The following SMIM27 variants were observed in gnomAD, a reference collection of about 807,000 sequenced individuals.
The protein encoded by SMIM27 is transition zone microprotein 1, also known as TOPORS antisense RNA 1 (non-protein coding).
Under a neutral mutation model 1.8 loss-of-function variants are expected in SMIM27, and 3 were observed. That is an observed-to-expected ratio of 1.65 (90% CI 0.75 to 4.28). SMIM27 has a LOEUF of 4.28. SMIM27 is among the 30% of genes most tolerant of loss of function. SMIM27 has a pLI of 0.02. For synonymous variants in SMIM27, 19 were observed against 13.9 expected (o/e 1.37, Z -0.82); for missense variants, 63 against 37.0 (o/e 1.70, Z -1.83).
At chr9:32,551,447 T>C, upstream of SMIM27, 1 of 282,384 alleles carries the variant, frequency 3.5e-6, no homozygotes, top group Non-Finnish European at 7.1e-6. Flanking sequence ...CTATAAAGTC[T>C]TCAGAGAGGG....
At chr9:32,558,746 G>GT (rs142936680) in intron 1 of SMIM27, among the ~76,000 whole-genome samples, 10,446 of 150,848 alleles carry the variant, frequency 0.069, 942 homozygotes, top group African/African-American at 0.21. Context: ...ATTTCTTCCT[G>GT]TTTTTTTTTG....
chr9:32,557,489 CT>C (rs376298827), downstream of SMIM27, among the ~76,000 whole-genome samples: 2,884 of 148,260 alleles, frequency 0.019, 100 homozygotes, highest in African/African-American at 0.066. Flanking sequence ...TTCCTTTTTC[CT>C]TTTTTTTTGA....
rs149463586 is a variant in SMIM27 at position 32,566,645 on chromosome 9, G to A, written c.*192G>A. On this transcript the variant is annotated 3_prime_UTR_variant, in exon 2 of 2. Coordinates refer to the SMIM27 transcript ENST00000451672. ...CTGCACCCACCATGGAGGAGCAGGAGCTCACCTCTCTCAGGTAACTCCGGA... is the reference window on the plus strand; with the variant it reads ...CTGCACCCACCATGGAGGAGCAGGAACTCACCTCTCTCAGGTAACTCCGGA... The A allele has an allele frequency of 7.5e-3, 5,945 of 797,612 alleles. 69 individuals are homozygous for A. The highest frequency in any genetic ancestry group is 6.4e-3 in the Non-Finnish European group (2,789 of 435,438). 49.4% of individuals were successfully genotyped at this position (797,612 alleles called of 1,614,324 possible).
chr9:32,562,151 A>G (rs577376199), intron 1 of SMIM27, among the ~76,000 whole-genome samples: 4 of 152,280 alleles, frequency 2.6e-5, no homozygotes, highest in Admixed American at 1.3e-4. Flanking sequence ...TACTGACTCC[A>G]TATGTTTGCT....
intron 1 of SMIM27, among the ~76,000 whole-genome samples, chr9:32,564,894 G>C (rs758634909): frequency 6.6e-6 from 1 of 152,090 alleles, no homozygotes; most frequent in South Asian, 2.1e-4. Context: ...ATTAACGATC[G>C]CTCACCATTT....
At chr9:32,566,270 C>A in intron 1 of SMIM27, 1 of 1,134,888 alleles carries the variant, frequency 8.8e-7, no homozygotes, top group Non-Finnish European at 1.3e-6. Context: ...ATTTTAGGTT[C>A]TCTGAGGTAG....
intron 1 of SMIM27, 85 bp downstream of exon 1, chr9:32,552,564 A>T (rs1434340610): frequency 1.6e-6 from 2 of 1,231,776 alleles, no homozygotes; most frequent in Non-Finnish European, 2.3e-6. Context: ...GCACCCAGAA[A>T]CTCCAAAATC....
exon 2 of SMIM27, chr9:32,566,693 CAGAT>C (rs1821801017): frequency 2.4e-6 from 2 of 828,594 alleles, no homozygotes; most frequent in African/African-American, 1.7e-5. Flanking sequence ...AGCTGTATCT[CAGAT>C]AGCCAGACTT....
chr9:32,564,148 A>T (rs1204482463), intron 1 of SMIM27, among the ~76,000 whole-genome samples: 2 of 152,188 alleles, frequency 1.3e-5, no homozygotes, highest in African/African-American at 2.4e-5. Flanking sequence ...GCATGCACAC[A>T]TCCACATTTA....
chr9:32,551,543 C>G (rs77867739), upstream of SMIM27: 1 of 251,830 alleles, frequency 4.0e-6, no homozygotes, highest in African/African-American at 2.2e-5. Context: ...TTTCTCCGCT[C>G]TTCCCCTTCC....
chr9:32,553,199 CTT>C (rs539102970), downstream of SMIM27: 1,017 of 223,552 alleles, frequency 4.5e-3, no homozygotes, highest in South Asian at 9.6e-3. Flanking sequence ...ATTCGGAAAG[CTT>C]TTTTTTTTTT....
At chr9:32,558,891 C>G in intron 1 of SMIM27, 1 of 1,487,298 alleles carries the variant, frequency 6.7e-7, no homozygotes, top group South Asian at 1.3e-5. Flanking sequence ...AAAGAAAAAT[C>G]AGAAGTGTTA....
At chr9:32,562,307 G>A (rs1290783459) in intron 1 of SMIM27, among the ~76,000 whole-genome samples, 3 of 152,106 alleles carry the variant, frequency 2.0e-5, no homozygotes, top group Admixed American at 6.5e-5. Flanking sequence ...TAGGCACTCC[G>A]TACTTGTTAA....
At chr9:32,555,443 T>C (rs1409341312), downstream of SMIM27, among the ~76,000 whole-genome samples, 1 of 152,156 alleles carries the variant, frequency 6.6e-6, no homozygotes, top group Non-Finnish European at 1.5e-5. Context: ...GGCCTCCACA[T>C]AGCTGCCACA....
intron 1 of SMIM27, among the ~76,000 whole-genome samples, chr9:32,563,734 TTTC>T (rs1456588362): frequency 6.6e-6 from 1 of 152,206 alleles, no homozygotes; most frequent in Non-Finnish European, 1.5e-5. Context: ...ATCAAAAAGC[TTTC>T]TTTTCTACCC....
intron 1 of SMIM27, among the ~76,000 whole-genome samples, chr9:32,563,795 T>C (rs967370706): frequency 6.6e-6 from 1 of 152,244 alleles, no homozygotes; most frequent in African/African-American, 2.4e-5. Context: ...TGGATTTTCA[T>C]TTTATTCAGG....
At chr9:32,551,167 A>G (rs900334198), upstream of SMIM27, 8 of 660,374 alleles carry the variant, frequency 1.2e-5, no homozygotes, top group African/African-American at 1.4e-4. Flanking sequence ...ACCCCGGAGG[A>G]GGGCAGCGCG....
upstream of SMIM27, chr9:32,552,174 CAAAAAAAA>C (rs35415231): frequency 2.4e-5 from 12 of 496,580 alleles, no homozygotes; most frequent in Admixed American, 1.1e-4. Context: ...CCTTAGTTGG[CAAAAAAAA>C]AAAAAAAAAA....
intron 1 of SMIM27, among the ~76,000 whole-genome samples, chr9:32,564,404 A>G (rs1184245114): frequency 1.3e-5 from 2 of 152,172 alleles, no homozygotes; most frequent in Non-Finnish European, 2.9e-5. Flanking sequence ...AGAAGGTTTT[A>G]GCAACCCCGA....
Sources: allele counts gnomAD v4.1 joint callset (sites outside exome capture counted in the v4.1 genomes callset), GRCh38; gene constraint gnomAD v4.1.1; transcripts MANE v1.5; gene names NCBI Gene and HGNC (gene_info 2026-07-23, HGNC 2026-07-21).